MCTP2: variants seen among roughly 807,000 people sequenced by gnomAD.
MCTP2 encodes multiple C2 and transmembrane domain containing 2, also known as multiple C2 and transmembrane domain-containing protein 2.
In MCTP2, 132 loss-of-function variants were observed where a neutral mutation model predicts 111.6. That is an observed-to-expected ratio of 1.18 (90% CI 1.03 to 1.37). The LOEUF (loss-of-function observed/expected upper bound fraction) is 1.37, where lower values mean the gene tolerates loss of function less well. Ranked by LOEUF, MCTP2 falls within the 40% of genes most tolerant of loss-of-function variation. MCTP2 has a pLI of 0.00. For missense variants in MCTP2, 1,183 were observed against 1,067.9 expected, an observed-to-expected ratio of 1.11 and a Z score of -1.50; for synonymous variants, 395 against 387.7, an observed-to-expected ratio of 1.02 and a Z score of -0.22.
chr15:94,278,689 G>A (rs2074332445), intron 1 of MCTP2, among the ~76,000 whole-genome samples: 1 of 139,282 alleles, frequency 7.2e-6, no homozygotes, highest in Non-Finnish European at 1.5e-5. Context: ...AGTGAGCGTA[G>A]TACCTAACAG....
At chr15:94,318,312 C>A (rs2076469955) in intron 4 of MCTP2, among the ~76,000 whole-genome samples, 1 of 143,934 alleles carries the variant, frequency 6.9e-6, no homozygotes, top group Non-Finnish European at 1.5e-5. Context: ...GAGACGGAGT[C>A]TAGCTCTGTC....
intron 17 of MCTP2, among the ~76,000 whole-genome samples, chr15:94,408,922 C>T (rs2082026410): frequency 6.6e-6 from 1 of 152,048 alleles, no homozygotes; most frequent in African/African-American, 2.4e-5. Flanking sequence ...GACCCTGTGT[C>T]ACTACCACTG....
intron 20 of MCTP2, among the ~76,000 whole-genome samples, chr15:94,459,472 AG>A (rs1234780643): frequency 1.3e-5 from 2 of 152,192 alleles, no homozygotes; most frequent in Non-Finnish European, 2.9e-5. Flanking sequence ...GTTTAAAAAA[AG>A]TAAGTTATAA....
chr15:94,328,495 G>T (rs2076991034), intron 4 of MCTP2, among the ~76,000 whole-genome samples: 1 of 152,116 alleles, frequency 6.6e-6, no homozygotes, highest in Admixed American at 6.6e-5. Flanking sequence ...TAATGTATTT[G>T]TTTCATTGTC....
intron 12 of MCTP2, among the ~76,000 whole-genome samples, chr15:94,371,059 T>C (rs559710896): frequency 2.5e-4 from 38 of 152,076 alleles, no homozygotes; most frequent in African/African-American, 8.0e-4. Context: ...AGTTCAACCA[T>C]TGGAAAAGAG....
At chr15:94,380,879 C>G (rs943736229) in intron 12 of MCTP2, among the ~76,000 whole-genome samples, 2 of 113,468 alleles carry the variant, frequency 1.8e-5, no homozygotes, top group Non-Finnish European at 3.3e-5. Flanking sequence ...TTAAGTGAAC[C>G]CCCCCCTTAC....
chr15:94,304,532 C>G (rs1221719600), intron 2 of MCTP2, among the ~76,000 whole-genome samples: 1 of 152,208 alleles, frequency 6.6e-6, no homozygotes, highest in Non-Finnish European at 1.5e-5. Context: ...AAAGTCAAAT[C>G]ATAATCAATG....
intron 1 of MCTP2, among the ~76,000 whole-genome samples, chr15:94,295,144 T>G (rs2075212268): frequency 6.6e-6 from 1 of 151,910 alleles, no homozygotes; most frequent in Admixed American, 6.6e-5. Context: ...GAGATGGGAT[T>G]CTGCCATGTT....
intron 11 of MCTP2, among the ~76,000 whole-genome samples, chr15:94,369,870 A>G (rs2079393631): frequency 6.6e-6 from 1 of 152,148 alleles, no homozygotes; most frequent in Admixed American, 6.6e-5. Flanking sequence ...GGTTTATTTT[A>G]AAGCTGTCGT....
chr15:94,298,547 C>T lies in MCTP2; in HGVS notation c.282C>T (p.Ser94=), dbSNP rs376018109. ...GGATCTTTCCCAAGAGCAGCAGTAG[C>T]TCCTTGAAACAGTCTGAAGAAGAAT... The part of the protein sequence containing the change: ...TAGIFPKSSS[S]SLKQSEEELD... The change falls in exon 2 of 23, where the codon AGC becomes AGT. Residue 94 remains serine (S), a synonymous_variant. Coordinates refer to ENST00000357742, the MANE Select transcript of MCTP2 (RefSeq NM_001385001.1). 6.2e-7 allele frequency: 1 copy of T among 1,614,162 alleles called. No individual in the cohort carries two copies. Among genetic ancestry groups the T allele is most frequent in the Non-Finnish European group, 8.5e-7 (1 of 1,180,010 alleles).
intron 1 of MCTP2, among the ~76,000 whole-genome samples, chr15:94,245,400 GTGTATA>G (rs2071819905): frequency 2.0e-5 from 1 of 51,272 alleles, no homozygotes; most frequent in African/African-American, 6.8e-5. Context: ...ATATACATGT[GTGTATA>G]TATTTATATA....
chr15:94,453,839 C>T (rs554974971), intron 19 of MCTP2, among the ~76,000 whole-genome samples: 31 of 152,234 alleles, frequency 2.0e-4, no homozygotes, highest in African/African-American at 7.5e-4. Context: ...CCAAAGAAGC[C>T]TCAACAGCTA....
At chr15:94,299,467 G>A (rs1263193102) in intron 2 of MCTP2, among the ~76,000 whole-genome samples, 1 of 152,050 alleles carries the variant, frequency 6.6e-6, no homozygotes, top group Non-Finnish European at 1.5e-5. Context: ...ATACCTGTGT[G>A]TGCACTCGCC....
Position 94,245,292 on chromosome 15 carries a change from A to G in MCTP2, c.-66+13628A>G, listed in dbSNP as rs552072352. On this transcript the variant is annotated intron_variant, in intron 1 of 22. Transcript: ENST00000357742. ...TGTATATACGTATATACACATATGT[A>G]TATATTTATATACATATATGTACAT... Among the ~76,000 whole-genome samples, 13 of 142,602 alleles carry G rather than the reference A, an allele frequency of 9.1e-5. No individual in the cohort carries two copies. The East Asian group carries it at 1.5e-3, about 16-fold the overall frequency. The allele number at this position is 142,602 out of a possible 152,430, so 93.6% of individuals were successfully genotyped here.
intron 1 of MCTP2, among the ~76,000 whole-genome samples, chr15:94,293,758 T>G (rs2388516): frequency 0.3 from 45,223 of 152,156 alleles, 6,791 homozygotes; most frequent in Middle Eastern, 0.33. Context: ...TCATAATTGT[T>G]GGCGGGAATG....
chr15:94,268,087 C>T (rs746619590), intron 1 of MCTP2, among the ~76,000 whole-genome samples: 10 of 151,110 alleles, frequency 6.6e-5, no homozygotes, highest in Non-Finnish European at 1.5e-4. Context: ...AGGATGGTCT[C>T]AATCTCCTGA....
chr15:94,409,279 A>C (rs1310782340), intron 17 of MCTP2, among the ~76,000 whole-genome samples: 1 of 151,530 alleles, frequency 6.6e-6, no homozygotes, highest in Non-Finnish European at 1.5e-5. Flanking sequence ...TGAACATCGG[A>C]CTCCGAGTTC....
rs1419862735 is a variant in MCTP2, at chr15:94,345,175, T to G, written c.1005+11T>G. ...TTAAGTGCCAGCAAGGTAAATATAC[T>G]TTTTTTTCCTTTAGATCATTTGGTT... On this transcript the variant is annotated intron_variant, in intron 8 of 22. Coordinates refer to ENST00000357742, the MANE Select transcript of MCTP2 (RefSeq NM_001385001.1). 6.2e-7 allele frequency: 1 copy of G among 1,604,070 alleles called. No individual in the cohort carries two copies. Among genetic ancestry groups the G allele is most frequent in the South Asian group, 1.1e-5 (1 of 90,074 alleles).
chr15:94,374,994 C>T (rs1555461760), intron 12 of MCTP2, among the ~76,000 whole-genome samples: 1 of 152,108 alleles, frequency 6.6e-6, no homozygotes, highest in Non-Finnish European at 1.5e-5. Context: ...TAAAGAAATT[C>T]CTGTGACTGG....
Sources: gnomAD v4.1 joint callset for allele counts (sites outside exome capture counted in the v4.1 genomes callset) on GRCh38, gnomAD v4.1.1 for gene constraint, MANE v1.5 for transcripts, NCBI Gene and HGNC (gene_info 2026-07-23, HGNC 2026-07-21) for gene names.